FBXL17: variants seen among roughly 807,000 people sequenced by gnomAD.
FBXL17 encodes the protein F-box and leucine rich repeat protein 17, also known as F-box/LRR-repeat protein 17.
Under a neutral mutation model 66.2 loss-of-function variants are expected in FBXL17, and 22 were observed. That is an observed-to-expected ratio of 0.33 (90% CI 0.24 to 0.47). FBXL17 has a LOEUF of 0.47. Ranked by LOEUF, FBXL17 falls within the 20% of genes least tolerant of loss-of-function variation. FBXL17 has a pLI of 1.00. For synonymous variants in FBXL17, 474 were observed against 400.5 expected (o/e 1.18, Z -2.19); for missense variants, 878 against 948.2 (o/e 0.93, Z 0.97).
At chr5:108,040,633 G>A (rs1217825559) in intron 6 of FBXL17, among the ~76,000 whole-genome samples, 2 of 152,126 alleles carry the variant, frequency 1.3e-5, no homozygotes, top group African/African-American at 2.4e-5. Context: ...AAAGCAGCAT[G>A]AATAATATAA....
chr5:107,989,648 T>C (rs572179471), intron 7 of FBXL17, among the ~76,000 whole-genome samples: 24 of 152,176 alleles, frequency 1.6e-4, no homozygotes, highest in Non-Finnish European at 3.2e-4. Flanking sequence ...CTCTTGGATA[T>C]ATACCCAGCT....
intron 8 of FBXL17, among the ~76,000 whole-genome samples, chr5:107,871,069 A>AAAAAAAAAAAAACAAAAC (rs1456052737): frequency 2.3e-5 from 3 of 130,172 alleles, no homozygotes; most frequent in African/African-American, 9.7e-5. Context: ...AAAAAAAAAA[A>AAAAAAAAAAAAACAAAAC]AAAAAAAAAA....
At chr5:108,197,000 G>A (rs187792749) in intron 5 of FBXL17, among the ~76,000 whole-genome samples, 121 of 152,206 alleles carry the variant, frequency 7.9e-4, no homozygotes, top group Middle Eastern at 3.4e-3. Flanking sequence ...TTGTTAATTG[G>A]ATTTCTGCTT....
intron 6 of FBXL17, among the ~76,000 whole-genome samples, chr5:108,165,856 T>A (rs1752396215): frequency 6.6e-6 from 1 of 152,198 alleles, no homozygotes; most frequent in African/African-American, 2.4e-5. Context: ...TACACTTTAG[T>A]CAGTTTGTAC....
Position 108,057,438 on chromosome 5 carries a change from A to C in FBXL17, c.1746-36437T>G, listed in dbSNP as rs191224069. On this transcript the variant is annotated intron_variant, in intron 6 of 8. Transcript: ENST00000542267. ...AATGTAGTTTTTAAGCCTCTCAAAA[A>C]CACATTTTTCACATCTTTCCCATTT... Among the ~76,000 whole-genome samples the C allele has an allele frequency of 1.2e-3, 184 of 152,276 alleles. 1 individual carries two copies. The Middle Eastern group carries it at 0.017, about 14-fold the overall frequency.
At chr5:108,027,171 CTTAAT>C (rs1016812391) in intron 6 of FBXL17, among the ~76,000 whole-genome samples, 7 of 152,252 alleles carry the variant, frequency 4.6e-5, no homozygotes, top group African/African-American at 9.6e-5. Flanking sequence ...AATGTTTAAA[CTTAAT>C]TTGAGTGTTT....
chr5:108,329,428 C>A (rs1376096753), intron 4 of FBXL17, among the ~76,000 whole-genome samples: 2 of 152,026 alleles, frequency 1.3e-5, no homozygotes, highest in African/African-American at 4.8e-5. Flanking sequence ...AGTATTAAGA[C>A]CAGGGGGAAT....
At chr5:108,043,538 T>C (rs1363674006) in intron 6 of FBXL17, among the ~76,000 whole-genome samples, 2 of 152,172 alleles carry the variant, frequency 1.3e-5, no homozygotes, top group Non-Finnish European at 2.9e-5. Context: ...CATAAGCATA[T>C]TTACGTGAGT....
At chr5:107,962,928 T>G (rs1751976031) in intron 7 of FBXL17, among the ~76,000 whole-genome samples, 1 of 152,056 alleles carries the variant, frequency 6.6e-6, no homozygotes, top group Non-Finnish European at 1.5e-5. Context: ...ACCACCCAAA[T>G]CTAATTTTTA....
chr5:108,174,344 A>G (rs1442802994), intron 6 of FBXL17, among the ~76,000 whole-genome samples: 1 of 152,220 alleles, frequency 6.6e-6, no homozygotes, highest in Non-Finnish European at 1.5e-5. Context: ...AATAGTGACT[A>G]TTCTAACATT....
At chr5:107,942,658 C>T (rs1246864666) in intron 7 of FBXL17, among the ~76,000 whole-genome samples, 2 of 152,068 alleles carry the variant, frequency 1.3e-5, no homozygotes, top group Non-Finnish European at 1.5e-5. Flanking sequence ...TTCCAGTGCA[C>T]TCATGACTAC....
At chr5:108,079,187 G>A (rs1748670566) in intron 6 of FBXL17, among the ~76,000 whole-genome samples, 1 of 147,890 alleles carries the variant, frequency 6.8e-6, no homozygotes, top group Admixed American at 6.7e-5. Flanking sequence ...TCTGCCTTTT[G>A]TGAGTTGATT....
intron 8 of FBXL17, chr5:107,880,836 G>C: frequency 7.3e-7 from 1 of 1,367,530 alleles, no homozygotes; most frequent in Non-Finnish European, 9.4e-7. Context: ...TCATTATTAA[G>C]TGGGGAAATA....
At chr5:108,171,691 G>C (rs1320589158) in intron 6 of FBXL17, among the ~76,000 whole-genome samples, 1 of 152,160 alleles carries the variant, frequency 6.6e-6, no homozygotes, top group Non-Finnish European at 1.5e-5. Context: ...ACTGGGCTTT[G>C]CCAAGCAATT....
chr5:108,136,850 A>G (rs1751155728), intron 6 of FBXL17, among the ~76,000 whole-genome samples: 1 of 152,204 alleles, frequency 6.6e-6, no homozygotes, highest in Admixed American at 6.5e-5. Flanking sequence ...AGATAGAAAA[A>G]AGGAAGATTT....
At chr5:107,921,576 G>A (rs575791048) in intron 7 of FBXL17, among the ~76,000 whole-genome samples, 1 of 152,244 alleles carries the variant, frequency 6.6e-6, no homozygotes, top group African/African-American at 2.4e-5. Flanking sequence ...AGACAACAAG[G>A]CAACATTTTC....
chr5:108,320,460 T>G (rs1759566225), intron 4 of FBXL17, among the ~76,000 whole-genome samples: 1 of 151,790 alleles, frequency 6.6e-6, no homozygotes, highest in Non-Finnish European at 1.5e-5. Context: ...AAAAAAATTT[T>G]TTTTTGGTCT....
intron 5 of FBXL17, among the ~76,000 whole-genome samples, chr5:108,187,586 T>C (rs975889374): frequency 6.6e-6 from 1 of 152,136 alleles, no homozygotes; most frequent in Non-Finnish European, 1.5e-5. Context: ...GCTTCAAATA[T>C]TGAGGAAGGG....
intron 7 of FBXL17, among the ~76,000 whole-genome samples, chr5:107,957,418 TATA>T (rs762413680): frequency 2.0e-5 from 3 of 151,764 alleles, no homozygotes; most frequent in Non-Finnish European, 4.4e-5. Context: ...CAGGTCTAAT[TATA>T]AAAAAAAAAT....
Sources: gnomAD v4.1 joint callset for allele counts (sites outside exome capture counted in the v4.1 genomes callset) on GRCh38, gnomAD v4.1.1 for gene constraint, MANE v1.5 for transcripts, NCBI Gene and HGNC (gene_info 2026-07-23, HGNC 2026-07-21) for gene names.